The following STRIP1 variants were observed in gnomAD, a reference collection of about 807,000 sequenced individuals.
The protein encoded by STRIP1 is striatin-interacting protein 1.
Under a neutral mutation model 106.2 loss-of-function variants are expected in STRIP1, and 63 were observed. That is an observed-to-expected ratio of 0.59 (90% CI 0.48 to 0.73). STRIP1 has a LOEUF of 0.73. Ranked by LOEUF, STRIP1 falls within the 30% of genes least tolerant of loss-of-function variation. STRIP1 has a pLI of 0.00. For missense variants in STRIP1, 857 were observed against 1,074.8 expected (o/e 0.80, Z 2.83); for synonymous variants, 390 against 413.0 (o/e 0.94, Z 0.67).
intron 15 of STRIP1, chr1:110,048,244 A>T (rs1653123986): frequency 3.9e-6 from 1 of 258,640 alleles, no homozygotes; most frequent in African/African-American, 2.2e-5. Context: ...GCAACAGCTG[A>T]ACCTGTGCCA....
intron 3 of STRIP1, 165 bp from the exon 4 acceptor site, chr1:110,039,007 G>T: frequency 1.1e-6 from 1 of 874,610 alleles, no homozygotes; most frequent in Non-Finnish European, 1.7e-6. Flanking sequence ...CAGCGTTTCA[G>T]TTTGGAATCA....
intron 5 of STRIP1, chr1:110,039,792 T>C (rs1420427277): frequency 1.5e-6 from 2 of 1,342,210 alleles, no homozygotes; most frequent in Non-Finnish European, 2.0e-6. Context: ...AGAAGGAGAC[T>C]CTTCACTTTG....
chr1:110,038,802 C>A, intron 3 of STRIP1, 45 bp downstream of exon 3: 1 of 1,561,922 alleles, frequency 6.4e-7, no homozygotes, highest in Non-Finnish European at 8.8e-7. Flanking sequence ...CCCTGCATAA[C>A]GAGAGCTGCA....
chr1:110,040,794 G>A, intron 6 of STRIP1, 91 bp downstream of exon 6: 2 of 1,103,582 alleles, frequency 1.8e-6, no homozygotes, highest in African/African-American at 1.6e-5. Flanking sequence ...TGTCATTGCT[G>A]TGTGTGCTTC....
intron 6 of STRIP1, 23 bp downstream of exon 6, chr1:110,040,726 G>A: frequency 6.3e-7 from 1 of 1,597,264 alleles, no homozygotes; most frequent in South Asian, 1.1e-5. Context: ...GCAAGCCTGG[G>A]CTCCTGAGCG....
chr1:110,052,989 G>A lies in STRIP1; in HGVS notation c.2267-676G>A, dbSNP rs114877130. Reference sequence around the variant, plus strand: ...CAGGCAGGGCATGTGAGGCTCCCTCGTCCTTTTTCATTCTCCTCCTCTGTA... The same window carrying A: ...CAGGCAGGGCATGTGAGGCTCCCTCATCCTTTTTCATTCTCCTCCTCTGTA... On this transcript the variant is annotated intron_variant, in intron 20 of 20. Coordinates refer to ENST00000369795, the MANE Select transcript of STRIP1 (RefSeq NM_033088.4). Among the ~76,000 whole-genome samples the A allele has an allele frequency of 7.1e-3, 1,083 of 152,218 alleles. 14 individuals are homozygous for A. Among genetic ancestry groups the A allele is most frequent in the African/African-American group, 0.024 (1,006 of 41,524 alleles).
upstream of STRIP1, among the ~76,000 whole-genome samples, chr1:110,032,073 T>G (rs1652207740): frequency 6.6e-6 from 1 of 152,066 alleles, no homozygotes; most frequent in African/African-American, 2.4e-5. Context: ...ATTTTTCAAA[T>G]TAGGTTGATC....
chr1:110,037,794 G>T, intron 1 of STRIP1, 97 bp from the exon 2 acceptor site: 1 of 811,660 alleles, frequency 1.2e-6, no homozygotes. Flanking sequence ...AAAAGTGGAG[G>T]CAGTGGTGTC....
At position 110,049,097 on chromosome 1, in the gene STRIP1, C is replaced by A; in HGVS notation, c.1662-15C>A. On this transcript the variant is annotated splice_polypyrimidine_tract_variant and intron_variant, in intron 15 of 20. Coordinates refer to ENST00000369795, the MANE Select transcript of STRIP1 (RefSeq NM_033088.4). ...TGCGCATGCTGGTGGCTTACCCAGGCAATTATGTTTCCAGCACCACAGTGT... is the reference window on the plus strand; with the variant it reads ...TGCGCATGCTGGTGGCTTACCCAGGAAATTATGTTTCCAGCACCACAGTGT... The A allele has an allele frequency of 6.2e-7, 1 of 1,614,112 alleles. No individual in the cohort carries two copies. Among genetic ancestry groups the A allele is most frequent in the Non-Finnish European group, 8.5e-7 (1 of 1,179,998 alleles).
chr1:110,051,604 G>A (rs937165250), intron 19 of STRIP1, 79 bp from the exon 20 acceptor site: 2 of 1,402,900 alleles, frequency 1.4e-6, no homozygotes, highest in Non-Finnish European at 9.8e-7. Context: ...CTTCCAAAGG[G>A]TTAAGCAGCA....
chr1:110,051,603 G>A, intron 19 of STRIP1, 80 bp from the exon 20 acceptor site: 1 of 1,391,194 alleles, frequency 7.2e-7, no homozygotes, highest in Non-Finnish European at 9.9e-7. Flanking sequence ...ACTTCCAAAG[G>A]GTTAAGCAGC....
intron 19 of STRIP1, among the ~76,000 whole-genome samples, chr1:110,051,417 C>T (rs777353503): frequency 2.6e-5 from 4 of 152,072 alleles, no homozygotes; most frequent in Non-Finnish European, 5.9e-5. Flanking sequence ...ACATGTACAC[C>T]GGAATGTTTC....
intron 12 of STRIP1, chr1:110,045,340 C>T: frequency 2.3e-6 from 1 of 437,682 alleles, no homozygotes; most frequent in East Asian, 4.5e-5. Flanking sequence ...CACCGGGCAC[C>T]AAGGCATGCA....
chr1:110,047,871 T>C lies in STRIP1; in HGVS notation c.1661+2T>C, dbSNP rs1216474157. On this transcript the variant is annotated splice_donor_variant, in intron 15 of 20. Coordinates refer to ENST00000369795, the MANE Select transcript of STRIP1 (RefSeq NM_033088.4). LOFTEE classifies it high-confidence loss of function. ...GGACGTCTTGCCTGAGGAGATGCCGTGAGTATCATTCTGTGAATGAAGCAG... is the reference window on the plus strand; with the variant it reads ...GGACGTCTTGCCTGAGGAGATGCCGCGAGTATCATTCTGTGAATGAAGCAG... 6.4e-7 allele frequency: 1 copy of C among 1,554,986 alleles called. No individual in the cohort carries two copies. The highest frequency in any genetic ancestry group is 8.7e-7 in the Non-Finnish European group (1 of 1,147,982).
At chr1:110,039,633 C>A in intron 5 of STRIP1, 118 bp downstream of exon 5, 2 of 1,281,122 alleles carry the variant, frequency 1.6e-6, no homozygotes, top group Non-Finnish European at 1.1e-6. Context: ...TGGTCCCAGG[C>A]TGTGTTCTGA....
rs745382764 is a variant in STRIP1, at chr1:110,053,906, G to T, written c.2508G>T (p.Leu836=). 26 of 1,613,938 alleles carry T rather than the reference G, an allele frequency of 1.6e-5. No individual in the cohort carries two copies. In the Admixed American group the frequency reaches 4.0e-4, roughly 25 times the overall value. Reference sequence around the variant, plus strand: ...AGCCCATTTCCTGGGAAGAGCTGCTGCAGTGAGGCTGTTGGTTAGGGGACT... The same window carrying T: ...AGCCCATTTCCTGGGAAGAGCTGCTTCAGTGAGGCTGTTGGTTAGGGGACT... ...FSKPISWEEL[L]Q Residue 836 remains leucine, a synonymous_variant, in exon 21 of 21, where the codon CTG becomes CTT. Coordinates refer to ENST00000369795, the MANE Select transcript of STRIP1 (RefSeq NM_033088.4).
At chr1:110,050,060 C>T (rs1653218291) in intron 17 of STRIP1, 2 of 458,034 alleles carry the variant, frequency 4.4e-6, no homozygotes, top group East Asian at 4.3e-5. Flanking sequence ...GCTATCTCCT[C>T]CCCCGCCCCA....
intron 12 of STRIP1, among the ~76,000 whole-genome samples, chr1:110,045,703 G>A (rs1000927428): frequency 6.6e-6 from 1 of 152,108 alleles, no homozygotes; most frequent in African/African-American, 2.4e-5. Flanking sequence ...CCAGAATTAG[G>A]CAGAGTTACC....
intron 18 of STRIP1, among the ~76,000 whole-genome samples, 167 bp from the exon 19 acceptor site, chr1:110,050,789 T>C (rs1303278046): frequency 6.6e-6 from 1 of 152,116 alleles, no homozygotes; most frequent in Non-Finnish European, 1.5e-5. Flanking sequence ...CTTCCCCTAG[T>C]CCCCTGCCAG....
Sources: gnomAD v4.1 joint callset for allele counts (sites outside exome capture counted in the v4.1 genomes callset) on GRCh38, gnomAD v4.1.1 for gene constraint, MANE v1.5 for transcripts, NCBI Gene and HGNC (gene_info 2026-07-23, HGNC 2026-07-21) for gene names.